Variants in CSGALNACT1 observed in about 807,000 individuals in gnomAD.
The protein encoded by CSGALNACT1 is beta4GalNAcT-1.
Under a neutral mutation model 51.0 loss-of-function variants are expected in CSGALNACT1, and 52 were observed. That is an observed-to-expected ratio of 1.02 (90% CI 0.82 to 1.29). The LOEUF is 1.29. Among genes scored for constraint, CSGALNACT1 ranks in the 50% most tolerant of loss-of-function variants. CSGALNACT1 has a pLI of 0.00. For missense variants in CSGALNACT1, 935 were observed against 679.2 expected (o/e 1.38, Z -4.19); for synonymous variants, 341 against 254.4 (o/e 1.34, Z -3.24).
chr8:19,697,597 G>A (rs2061648278), intron 1 of CSGALNACT1, among the ~76,000 whole-genome samples: 1 of 152,160 alleles, frequency 6.6e-6, no homozygotes. Context: ...TGCTACCTGG[G>A]GAGTGAGGGA....
intron 1 of CSGALNACT1, among the ~76,000 whole-genome samples, chr8:19,695,745 T>G (rs2061549283): frequency 6.6e-6 from 1 of 152,184 alleles, no homozygotes; most frequent in African/African-American, 2.4e-5. Flanking sequence ...AGCTTTCATG[T>G]GATATCATGC....
intron 1 of CSGALNACT1, among the ~76,000 whole-genome samples, chr8:19,729,893 C>T (rs1320672258): frequency 6.6e-6 from 1 of 152,122 alleles, no homozygotes; most frequent in Non-Finnish European, 1.5e-5. Flanking sequence ...GGAACTGTCA[C>T]CTTTTTGTGA....
At chr8:19,709,601 C>T (rs976051279) in intron 1 of CSGALNACT1, among the ~76,000 whole-genome samples, 1 of 152,178 alleles carries the variant, frequency 6.6e-6, no homozygotes, top group African/African-American at 2.4e-5. Context: ...CTGGAAAGCC[C>T]TTGGTGACTT....
At chr8:19,680,775 A>C (rs2060558668) in intron 1 of CSGALNACT1, among the ~76,000 whole-genome samples, 1 of 152,112 alleles carries the variant, frequency 6.6e-6, no homozygotes, top group South Asian at 2.1e-4. Flanking sequence ...GTACTCACAC[A>C]AACCTACACG....
intron 1 of CSGALNACT1, among the ~76,000 whole-genome samples, chr8:19,700,534 C>T (rs2061808816): frequency 6.6e-6 from 1 of 152,156 alleles, no homozygotes; most frequent in Non-Finnish European, 1.5e-5. Context: ...CAGCCTTCCT[C>T]ACCATTAATC....
intron 1 of CSGALNACT1, among the ~76,000 whole-genome samples, chr8:19,673,589 C>T (rs1369588501): frequency 1.3e-5 from 2 of 152,136 alleles, no homozygotes; most frequent in African/African-American, 2.4e-5. Context: ...TAATTCCCAT[C>T]GCTATCCTGA....
exon 10 of CSGALNACT1, chr8:19,404,930 C>G (rs1450603131): frequency 2.2e-6 from 1 of 454,066 alleles, no homozygotes; most frequent in Non-Finnish European, 4.4e-6. Flanking sequence ...ACCATTCCTT[C>G]CCTATGTCTC....
intron 3 of CSGALNACT1, among the ~76,000 whole-genome samples, chr8:19,556,541 G>C (rs551312067): frequency 6.6e-6 from 1 of 152,074 alleles, no homozygotes; most frequent in African/African-American, 2.4e-5. Context: ...TCAGTGTCAC[G>C]GCACCACGGC....
chr8:19,458,592 T>C (rs1237372506), exon 5 of CSGALNACT1: 1 of 1,614,240 alleles, frequency 6.2e-7, no homozygotes. Flanking sequence ...TGGTCCCCTT[T>C]GAAGGTGAGC....
chr8:19,648,373 G>C (rs2057467413), intron 1 of CSGALNACT1, among the ~76,000 whole-genome samples: 1 of 152,194 alleles, frequency 6.6e-6, no homozygotes, highest in African/African-American at 2.4e-5. Flanking sequence ...GTATCATTCT[G>C]TGAAGAGCAA....
rs932092913 is a variant in CSGALNACT1 at position 19,628,405 on chromosome 8, C to T, written c.-543-26540G>A. ...TATTATGAGAATAGCATGAGGGAAA[C>T]TGCCCACATGATCCAGTGACCTCCC... On this transcript the variant is annotated intron_variant, in intron 1 of 9. Transcript: ENST00000332246. Among the ~76,000 whole-genome samples the T allele has an allele frequency of 2.6e-5, 4 of 152,204 alleles. No individual in the cohort carries two copies. In the East Asian group the frequency reaches 7.7e-4, roughly 29 times the overall value.
chr8:19,545,558 T>C (rs1191772339), intron 3 of CSGALNACT1, among the ~76,000 whole-genome samples: 1 of 152,084 alleles, frequency 6.6e-6, no homozygotes, highest in Non-Finnish European at 1.5e-5. Flanking sequence ...TTTTTATTCC[T>C]CCTCAATGCC....
At chr8:19,544,541 C>T (rs527459432) in intron 3 of CSGALNACT1, among the ~76,000 whole-genome samples, 6 of 152,190 alleles carry the variant, frequency 3.9e-5, no homozygotes, top group South Asian at 4.1e-4. Flanking sequence ...AAGATAACTC[C>T]GAACAGATAT....
intron 5 of CSGALNACT1, among the ~76,000 whole-genome samples, chr8:19,448,192 T>C (rs1427605268): frequency 6.6e-6 from 1 of 152,118 alleles, no homozygotes; most frequent in Non-Finnish European, 1.5e-5. Flanking sequence ...TGGGAAAAAT[T>C]GTGTTTCTTG....
At chr8:19,599,472 A>G (rs1041836122) in intron 2 of CSGALNACT1, among the ~76,000 whole-genome samples, 71 of 113,782 alleles carry the variant, frequency 6.2e-4, no homozygotes, top group African/African-American at 2.3e-3. Context: ...GAAAGAAAGA[A>G]AAAGAAAGAA....
intron 1 of CSGALNACT1, among the ~76,000 whole-genome samples, chr8:19,727,338 TTTGGTTTG>T (rs2063458097): frequency 1.7e-5 from 1 of 57,918 alleles, no homozygotes; most frequent in Non-Finnish European, 3.6e-5. Flanking sequence ...TTTGGTTTGG[TTTGGTTTG>T]GTTTGGTTTG....
intron 2 of CSGALNACT1, among the ~76,000 whole-genome samples, chr8:19,595,833 G>C (rs1242711233): frequency 6.7e-6 from 1 of 148,728 alleles, no homozygotes; most frequent in Non-Finnish European, 1.5e-5. Context: ...TCAGATTCTT[G>C]CCTCCCTTTC....
chr8:19,597,807 T>A (rs909094719), intron 2 of CSGALNACT1, among the ~76,000 whole-genome samples: 2 of 152,216 alleles, frequency 1.3e-5, no homozygotes, highest in Non-Finnish European at 2.9e-5. Context: ...TTCAAACCTT[T>A]GTTTGTGAAG....
intron 1 of CSGALNACT1, among the ~76,000 whole-genome samples, chr8:19,662,009 A>AT (rs1330321025): frequency 7.4e-6 from 1 of 135,758 alleles, no homozygotes; most frequent in Non-Finnish European, 1.5e-5. Flanking sequence ...GAGCTGAGGT[A>AT]TTTTTAACCA....
Sources: gnomAD v4.1 joint callset for allele counts (sites outside exome capture counted in the v4.1 genomes callset) on GRCh38, gnomAD v4.1.1 for gene constraint, MANE v1.5 for transcripts, NCBI Gene and HGNC (gene_info 2026-07-23, HGNC 2026-07-21) for gene names.